The following OR56A3 variants were observed in gnomAD, a reference collection of about 807,000 sequenced individuals.
The protein encoded by OR56A3 is olfactory receptor family 56 subfamily A member 3.
Under a neutral mutation model 17.5 loss-of-function variants are expected in OR56A3, and 23 were observed. That is an observed-to-expected ratio of 1.32 (90% CI 0.95 to 1.87). The LOEUF (loss-of-function observed/expected upper bound fraction) is 1.87. OR56A3 is among the 40% of genes most tolerant of loss of function. The probability of loss-of-function intolerance (pLI) is 0.00; values close to 1 mark genes in which losing one functional copy is unlikely to be tolerated. For missense variants in OR56A3, 366 were observed against 380.1 expected (o/e 0.96, Z 0.31); for synonymous variants, 175 against 150.6 (o/e 1.16, Z -1.19).
At chr11:5,959,261 T>C in the OR56A3 span, among the ~76,000 whole-genome samples, 11 of 152,226 alleles carry the variant, frequency 7.2e-5, no homozygotes, top group Non-Finnish European at 1.5e-4. Context: ...AAGCATTCCT[T>C]TTCTCCACAT....
At chr11:5,969,956 A>C in the OR56A3 span, among the ~76,000 whole-genome samples, 2 of 152,184 alleles carry the variant, frequency 1.3e-5, no homozygotes, top group Admixed American at 1.3e-4. Context: ...AGAAGAAGAG[A>C]GGGTAGAATT....
chr11:5,985,917 G>A, the OR56A3 span: 545 of 1,569,826 alleles, frequency 3.5e-4, 3 homozygotes, highest in Middle Eastern at 8.9e-4. Context: ...AGCCTCCGAA[G>A]GAAACAATGA....
the OR56A3 span, among the ~76,000 whole-genome samples, chr11:5,956,932 A>C: frequency 1.3e-5 from 2 of 152,154 alleles, no homozygotes; most frequent in Admixed American, 1.3e-4. Context: ...CGAGGCAGGC[A>C]ATTCCCTGAG....
At chr11:5,967,615 C>A in the OR56A3 span, 1 of 1,613,820 alleles carries the variant, frequency 6.2e-7, no homozygotes, top group East Asian at 2.2e-5. Flanking sequence ...ACACCATAAA[C>A]AATGGGGTTC....
the OR56A3 span, among the ~76,000 whole-genome samples, chr11:5,963,225 G>A: frequency 6.6e-6 from 1 of 151,948 alleles, no homozygotes; most frequent in African/African-American, 2.4e-5. Flanking sequence ...TTAATACTGG[G>A]TTTAGTTTGC....
the OR56A3 span, among the ~76,000 whole-genome samples, chr11:6,012,522 T>A: frequency 6.6e-6 from 1 of 152,102 alleles, no homozygotes; most frequent in Admixed American, 6.5e-5. Context: ...AGGCAGGTCA[T>A]CCCATTGTCT....
the OR56A3 span, among the ~76,000 whole-genome samples, chr11:6,012,004 G>T: frequency 0.017 from 2,636 of 152,334 alleles, 32 homozygotes; most frequent in Non-Finnish European, 0.028. Flanking sequence ...CAAAGAGGGA[G>T]TCACAGCCCC....
the OR56A3 span, among the ~76,000 whole-genome samples, chr11:5,976,098 G>C: frequency 6.6e-6 from 1 of 151,946 alleles, no homozygotes; most frequent in African/African-American, 2.4e-5. Context: ...AGAGATACCT[G>C]TTGTCTTGGG....
At chr11:5,957,961 T>G in the OR56A3 span, among the ~76,000 whole-genome samples, 2 of 152,124 alleles carry the variant, frequency 1.3e-5, no homozygotes, top group Non-Finnish European at 2.9e-5. Flanking sequence ...GTGGCCAATG[T>G]GGACAACCTT....
At chr11:5,988,845 T>G in the OR56A3 span, among the ~76,000 whole-genome samples, 111,149 of 152,140 alleles carry the variant, frequency 0.73, 41,339 homozygotes, top group East Asian at 0.87. Flanking sequence ...GATATGTGTA[T>G]GTAGGTATGT....
downstream of OR56A3, among the ~76,000 whole-genome samples, chr11:5,954,865 A>C (rs1166111377): frequency 6.6e-6 from 1 of 152,204 alleles, no homozygotes; most frequent in African/African-American, 2.4e-5. Flanking sequence ...CCCAAGTTTC[A>C]AGAAAGACAG....
rs1464623615 is a variant in OR56A3 at position 5,948,091 on chromosome 11, T to C, written c.745T>C (p.Phe249Leu). 1.9e-6 allele frequency: 3 copies of C among 1,614,128 alleles called. No homozygotes were observed. Among genetic ancestry groups the C allele is most frequent in the Non-Finnish European group, 2.5e-6 (3 of 1,180,054 alleles). The change falls in exon 3 of 3, where the codon TTC (phenylalanine) becomes CTC (leucine). Residue 249 changes from phenylalanine to leucine, a missense_variant. Transcript: ENST00000641160. Reference sequence around the variant, plus strand: ...GGCCCTAAGCACATGTGGCTCCCACTTCATGCTCATCCTCTTCTTCAGCAC... The same window carrying C: ...GGCCCTAAGCACATGTGGCTCCCACCTCATGCTCATCCTCTTCTTCAGCAC... ...AKALSTCGSH[F>L]MLILFFSTIL...
At chr11:5,954,037 C>A (rs148013689), downstream of OR56A3, among the ~76,000 whole-genome samples, 13 of 152,258 alleles carry the variant, frequency 8.5e-5, no homozygotes, top group East Asian at 2.3e-3. Flanking sequence ...GGCATCAGGA[C>A]AGACAAATGT....
chr11:5,980,249 T>G, the OR56A3 span, among the ~76,000 whole-genome samples: 2 of 152,150 alleles, frequency 1.3e-5, no homozygotes, highest in Non-Finnish European at 2.9e-5. Flanking sequence ...TTGCTAGTTT[T>G]CTGCCTCAGT....
chr11:6,014,314 G>T, the OR56A3 span, among the ~76,000 whole-genome samples: 5 of 152,216 alleles, frequency 3.3e-5, no homozygotes, highest in Admixed American at 3.3e-4. Flanking sequence ...GTAGGGCCTG[G>T]TGGGAGACGA....
chr11:6,014,395 T>C, the OR56A3 span, among the ~76,000 whole-genome samples: 1 of 152,194 alleles, frequency 6.6e-6, no homozygotes, highest in East Asian at 1.9e-4. Flanking sequence ...TAATAGTCAA[T>C]AGTTATCATA....
the OR56A3 span, among the ~76,000 whole-genome samples, chr11:5,991,779 T>C: frequency 6.6e-6 from 1 of 152,170 alleles, no homozygotes; most frequent in Non-Finnish European, 1.5e-5. Context: ...GAAAGGAAAG[T>C]TTATCCTTGA....
the OR56A3 span, chr11:5,995,114 G>T: frequency 1.7e-6 from 1 of 584,396 alleles, no homozygotes; most frequent in South Asian, 1.8e-5. Flanking sequence ...ACGCAGCCCA[G>T]GGACCGGTAG....
At chr11:5,999,116 G>A in the OR56A3 span, among the ~76,000 whole-genome samples, 2 of 152,142 alleles carry the variant, frequency 1.3e-5, no homozygotes, top group East Asian at 1.9e-4. Context: ...GTCTTATGGG[G>A]CACCCAATAG....
Sources: gnomAD v4.1 joint callset for allele counts (sites outside exome capture counted in the v4.1 genomes callset) on GRCh38, gnomAD v4.1.1 for gene constraint, MANE v1.5 for transcripts, NCBI Gene and HGNC (gene_info 2026-07-23, HGNC 2026-07-21) for gene names.